NEDD4L: variants seen among roughly 807,000 people sequenced by gnomAD.
NEDD4L encodes the protein E3 ubiquitin-protein ligase NEDD4-like.
A neutral mutation model predicts 148.9 loss-of-function variants in NEDD4L; 54 were observed. That is an observed-to-expected ratio of 0.36 (90% CI 0.29 to 0.45). The LOEUF (loss-of-function observed/expected upper bound fraction) is 0.45. Ranked by LOEUF, NEDD4L falls within the 20% of genes least tolerant of loss-of-function variation. The pLI, the probability that NEDD4L is intolerant of heterozygous loss-of-function variation, is 1.00. For synonymous variants in NEDD4L, 433 were observed against 440.7 expected, an observed-to-expected ratio of 0.98 and a Z score of 0.22; for missense variants, 856 against 1,233.8, an observed-to-expected ratio of 0.69 and a Z score of 4.59.
chr18:58,314,272 C>G (rs565475676), intron 5 of NEDD4L, among the ~76,000 whole-genome samples: 1 of 152,214 alleles, frequency 6.6e-6, no homozygotes, highest in East Asian at 1.9e-4. Context: ...CAAAAATTAG[C>G]TGGGCGTGGT....
rs1357192558 is a variant in NEDD4L, at chr18:58,256,296, C to T, written c.297+4242C>T. On this transcript the variant is annotated intron_variant, in intron 5 of 30. Coordinates refer to ENST00000400345, the MANE Select transcript of NEDD4L (RefSeq NM_001144967.3). This position sits in a 1 kb window ranked among gnomAD's most constrained non-coding sequence, Gnocchi z 5.2. The stretch of plus-strand genomic sequence containing the variant: ...CCCGATGGCCAGGGCGGCCCGGCCG[C>T]GGCAGAGCCCAGGCGCTGGTCCCTG... The T allele has an allele frequency of 2.4e-6, 3 of 1,231,694 alleles. No individual in the cohort carries two copies. The highest frequency in any genetic ancestry group is 3.0e-6 in the Non-Finnish European group (3 of 987,822). 76.3% of individuals were successfully genotyped at this position (1,231,694 alleles called of 1,614,324 possible).
Position 58,182,242 on chromosome 18 carries a change from T to C in NEDD4L, c.122+16381T>C, listed in dbSNP as rs535468431. Among the ~76,000 whole-genome samples, 3 of 152,038 alleles carry C rather than the reference T, an allele frequency of 2.0e-5. No individual in the cohort carries two copies. The East Asian group carries it at 5.8e-4, about 29-fold the overall frequency. ...TGCTGAAAACACCCACAGAGGAAAA[T>C]GCGGGGCGGGGGGTGAATGCATCTG... On this transcript the variant is annotated intron_variant, in intron 2 of 30. Transcript: ENST00000400345.
intron 2 of NEDD4L, chr18:58,195,776 G>A: frequency 2.5e-6 from 3 of 1,199,238 alleles, no homozygotes; most frequent in Non-Finnish European, 3.4e-6. Context: ...TACTCGATTA[G>A]TGCCCACAGC....
intron 1 of NEDD4L, among the ~76,000 whole-genome samples, chr18:58,084,356 A>G (rs1176690052): frequency 6.6e-6 from 1 of 152,214 alleles, no homozygotes; most frequent in African/African-American, 2.4e-5. Flanking sequence ...CTGTGGATAT[A>G]CTCAAAACGA....
At chr18:58,268,268 G>A (rs949503137) in intron 5 of NEDD4L, among the ~76,000 whole-genome samples, 1 of 151,992 alleles carries the variant, frequency 6.6e-6, no homozygotes, top group Non-Finnish European at 1.5e-5. Context: ...TAGCAGAGGT[G>A]GCCCTGTCGT....
intron 5 of NEDD4L, among the ~76,000 whole-genome samples, chr18:58,305,312 T>A (rs1031950991): frequency 1.3e-5 from 2 of 152,206 alleles, no homozygotes; most frequent in African/African-American, 4.8e-5. Flanking sequence ...CTTCACCCAG[T>A]GGTTGTCAGC....
intron 5 of NEDD4L, among the ~76,000 whole-genome samples, chr18:58,310,094 T>C (rs145142214): frequency 6.6e-6 from 1 of 152,334 alleles, no homozygotes; most frequent in East Asian, 1.9e-4. Flanking sequence ...CTTTTTAAAC[T>C]TCAGTAATAA....
At chr18:58,213,038 C>G (rs2042761169) in intron 2 of NEDD4L, among the ~76,000 whole-genome samples, 1 of 152,148 alleles carries the variant, frequency 6.6e-6, no homozygotes, top group African/African-American at 2.4e-5. Context: ...ACTTTAAACC[C>G]ATCAGATTGG....
At chr18:58,338,473 GC>G (rs1240115611) in intron 13 of NEDD4L, among the ~76,000 whole-genome samples, 2 of 152,198 alleles carry the variant, frequency 1.3e-5, no homozygotes, top group Non-Finnish European at 2.9e-5. Context: ...TTTCCAAATT[GC>G]CCTCTCACAT....
chr18:58,266,858 T>C (rs2050291696), intron 5 of NEDD4L, among the ~76,000 whole-genome samples: 1 of 152,098 alleles, frequency 6.6e-6, no homozygotes, highest in Non-Finnish European at 1.5e-5. Flanking sequence ...CCAGATAAAG[T>C]TACAAATCTA....
intron 19 of NEDD4L, chr18:58,360,167 T>C (rs2045277637): frequency 6.6e-6 from 1 of 152,248 alleles, no homozygotes; most frequent in African/African-American, 2.4e-5. Flanking sequence ...GCTATCATCA[T>C]GTACCTATGT....
At position 58,349,528 on chromosome 18, in the gene NEDD4L, T is replaced by G. The variant is rs758720492; in HGVS notation, c.1576-9T>G. ...TTAGCATCTACTGTCTTTTACATTT[T>G]TCTTGCAGGAAGATCCACGTTTGAA... On this transcript the variant is annotated splice_polypyrimidine_tract_variant and intron_variant, in intron 16 of 30. Coordinates refer to ENST00000400345, the MANE Select transcript of NEDD4L (RefSeq NM_001144967.3). The G allele has an allele frequency of 5.6e-6, 9 of 1,611,944 alleles. No homozygotes were observed. The African/African-American group carries it at 1.2e-4, about 22-fold the overall frequency.
rs1163026636 is a variant in NEDD4L at position 58,401,174 on chromosome 18, C to T, written c.*4905C>T. 6.6e-6 allele frequency: 1 copy of T among 152,126 alleles called. No homozygotes were observed. Among genetic ancestry groups the T allele is most frequent in the Non-Finnish European group, 1.5e-5 (1 of 68,008 alleles). 9.4% of individuals were successfully genotyped at this position (152,126 alleles called of 1,614,324 possible). ...CTTTTAAGGTGAAAAGAGTTTCAAG[C>T]ATTCCAAATAAATTATCAATGTTTC... On this transcript the variant is annotated 3_prime_UTR_variant, in exon 31 of 31. Transcript: ENST00000400345.
chr18:58,219,903 A>G, intron 2 of NEDD4L, among the ~76,000 whole-genome samples: 1 of 152,182 alleles, frequency 6.6e-6, no homozygotes, highest in East Asian at 1.9e-4. Flanking sequence ...AACTTGTTCA[A>G]CTTGTTTAGG....
chr18:58,331,573 T>C (rs931099739), intron 11 of NEDD4L, among the ~76,000 whole-genome samples: 2 of 152,230 alleles, frequency 1.3e-5, no homozygotes, highest in African/African-American at 4.8e-5. Context: ...CCCAATGGAA[T>C]CAGTCACAAA....
At chr18:58,395,399 C>T (rs1568961381) in intron 30 of NEDD4L, among the ~76,000 whole-genome samples, 1 of 152,212 alleles carries the variant, frequency 6.6e-6, no homozygotes. Context: ...CCACTTGGCA[C>T]TCATATGTGC....
chr18:58,311,367 TTTTACCAAGAATCACCAGTGC>T (rs1418846936), intron 5 of NEDD4L, among the ~76,000 whole-genome samples: 1 of 152,220 alleles, frequency 6.6e-6, no homozygotes, highest in African/African-American at 2.4e-5. Context: ...ACATGGGTCA[TTTTACCAAGAATCACCAGTGC>T]TTTTGCTCTG....
rs533455711 is a variant in NEDD4L, at chr18:58,376,393, C to T, written c.2352+3124C>T. Among the ~76,000 whole-genome samples, 7 of 152,230 alleles carry T rather than the reference C, an allele frequency of 4.6e-5. No homozygotes were observed. In the South Asian group the frequency reaches 1.5e-3, roughly 32 times the overall value. ...ATGAGTAAGATAAGAATTAGGTGCCCAGTTTGTTGAATTACTGCCTTGCCT... is the reference window on the plus strand; with the variant it reads ...ATGAGTAAGATAAGAATTAGGTGCCTAGTTTGTTGAATTACTGCCTTGCCT... On this transcript the variant is annotated intron_variant, in intron 24 of 30. Coordinates refer to ENST00000400345, the MANE Select transcript of NEDD4L (RefSeq NM_001144967.3).
At chr18:58,122,222 G>A (rs989493683) in intron 1 of NEDD4L, among the ~76,000 whole-genome samples, 5 of 152,180 alleles carry the variant, frequency 3.3e-5, no homozygotes, top group Non-Finnish European at 7.4e-5. Flanking sequence ...AATCTAGGCC[G>A]GGTGCTGTGG....
Sources: allele counts gnomAD v4.1 joint callset (sites outside exome capture counted in the v4.1 genomes callset), GRCh38; gene constraint gnomAD v4.1.1; non-coding constraint Gnocchi (gnomAD v3.1); transcripts MANE v1.5; gene names NCBI Gene and HGNC (gene_info 2026-07-23, HGNC 2026-07-21).